The following MYO9B variants were observed in gnomAD, a reference collection of about 807,000 sequenced individuals.
The protein encoded by MYO9B is myosin IXB.
Under a neutral mutation model 229.5 loss-of-function variants are expected in MYO9B, and 71 were observed. The observed-to-expected ratio is 0.31, with a 90% CI of 0.26 to 0.38. The LOEUF (loss-of-function observed/expected upper bound fraction) is 0.38. MYO9B is among the 10% of genes least tolerant of loss of function. The pLI is 1.00. For synonymous variants in MYO9B, 1,185 were observed against 1,235.8 expected (o/e 0.96, Z 0.86); for missense variants, 2,255 against 2,920.5 (o/e 0.77, Z 5.25).
At chr19:17,079,202 G>A (rs1330885190) in intron 1 of MYO9B, among the ~76,000 whole-genome samples, 1 of 152,166 alleles carries the variant, frequency 6.6e-6, no homozygotes, top group African/African-American at 2.4e-5. Flanking sequence ...TCATTGCCTT[G>A]GTGGGTCCTT....
chr19:17,172,499 C>T lies in MYO9B; in HGVS notation c.1935+22C>T. 2 of 1,611,366 alleles carry T rather than the reference C, an allele frequency of 1.2e-6. No individual in the cohort carries two copies. The highest frequency in any genetic ancestry group is 1.7e-6 in the Non-Finnish European group (2 of 1,178,850). ...CAAGGTAGGTGTCTGCCCATCACCA[C>T]TGGTGGAAGCCTGAGGGAAGCCACA... On this transcript the variant is annotated intron_variant, in intron 12 of 39. Coordinates refer to ENST00000682292, the MANE Select transcript of MYO9B (RefSeq NM_004145.4). This position sits in a 1 kb window ranked among gnomAD's most constrained non-coding sequence, Gnocchi z 8.2.
At chr19:17,171,609 C>G (rs1015291004) in intron 11 of MYO9B, among the ~76,000 whole-genome samples, 2 of 152,100 alleles carry the variant, frequency 1.3e-5, no homozygotes, top group Non-Finnish European at 1.5e-5. Context: ...CATGTGGGGT[C>G]GAAGAGAGTG....
rs557299101 is a variant in MYO9B, at chr19:17,117,033, G to A, written c.840+14476G>A. ...GGTATATTTTAAGCACCATAAAAAGGTCTCCTTGGAATTTGGAGAAAGTTG... is the reference window on the plus strand; with the variant it reads ...GGTATATTTTAAGCACCATAAAAAGATCTCCTTGGAATTTGGAGAAAGTTG... On this transcript the variant is annotated intron_variant, in intron 2 of 39. Coordinates refer to ENST00000682292, the MANE Select transcript of MYO9B (RefSeq NM_004145.4). Among the ~76,000 whole-genome samples the A allele has an allele frequency of 2.3e-4, 35 of 152,296 alleles. No homozygotes were observed. In the Middle Eastern group the frequency reaches 0.017, roughly 74 times the overall value.
chr19:17,173,327 C>T (rs1362396413), intron 13 of MYO9B, among the ~76,000 whole-genome samples: 4 of 128,956 alleles, frequency 3.1e-5, no homozygotes, highest in Non-Finnish European at 6.3e-5. Context: ...GACAGGGTCT[C>T]TCTCTCTCTC....
chr19:17,162,598 A>T, intron 9 of MYO9B, 132 bp downstream of exon 9: 1 of 785,566 alleles, frequency 1.3e-6, no homozygotes, highest in African/African-American at 1.7e-5. Context: ...CCCCACAAGG[A>T]CAGGCCCAGG....
At chr19:17,104,558 A>G (rs1451854384) in intron 2 of MYO9B, among the ~76,000 whole-genome samples, 1 of 152,012 alleles carries the variant, frequency 6.6e-6, no homozygotes. Flanking sequence ...AGGGGTCTGC[A>G]CCTCTGGGTG....
In MYO9B at chr19:17,193,150, C is replaced by A; in HGVS notation, c.3128+88C>A. ...TTGCTGCCCGTGATATACCATCTGG[C>A]CTGTGGCACTAAGGGGATGTCATTC... On this transcript the variant is annotated intron_variant, in intron 21 of 39. Coordinates refer to ENST00000682292, the MANE Select transcript of MYO9B (RefSeq NM_004145.4). The surrounding 1 kb of genome is among the most constrained non-coding windows in gnomAD (Gnocchi z 4.3). 1.5e-6 allele frequency: 2 copies of A among 1,332,812 alleles called. No individual in the cohort carries two copies. Among genetic ancestry groups the A allele is most frequent in the Non-Finnish European group, 2.0e-6 (2 of 1,015,320 alleles). 82.6% of individuals were successfully genotyped at this position (1,332,812 alleles called of 1,614,324 possible). A position where few individuals can be genotyped will look rare whatever the true frequency, so the allele number is the denominator to read the frequency against.
chr19:17,196,756 T>A (rs895395739), intron 22 of MYO9B, among the ~76,000 whole-genome samples: 2 of 149,548 alleles, frequency 1.3e-5, no homozygotes, highest in Admixed American at 6.7e-5. Flanking sequence ...GGAAGGAAGA[T>A]AGGTAGGTAG....
chr19:17,119,064 A>ATTCCTC (rs2057935937), intron 2 of MYO9B, among the ~76,000 whole-genome samples: 2 of 152,102 alleles, frequency 1.3e-5, no homozygotes, highest in Non-Finnish European at 2.9e-5. Context: ...AGGAAGCAAG[A>ATTCCTC]TGTGGGGGTT....
In MYO9B at chr19:17,172,682, T is replaced by C. The variant is rs56397652; in HGVS notation, c.1936-77T>C. On this transcript the variant is annotated intron_variant, in intron 12 of 39. Coordinates refer to ENST00000682292, the MANE Select transcript of MYO9B (RefSeq NM_004145.4). This position sits in a 1 kb window ranked among gnomAD's most constrained non-coding sequence, Gnocchi z 8.2. ...GCCCCACCCCACCGTCAGCCCTTCC[T>C]GCGCCAGCCCGGGGTCTTTGGTAGG... 123,443 of 1,558,394 alleles carry C rather than the reference T, an allele frequency of 0.079. 5,546 individuals carry two copies. Among genetic ancestry groups the C allele is most frequent in the Non-Finnish European group, 0.091 (103,076 of 1,133,574 alleles).
At chr19:17,183,262 G>A (rs1020112554) in intron 15 of MYO9B, among the ~76,000 whole-genome samples, 4 of 152,158 alleles carry the variant, frequency 2.6e-5, no homozygotes, top group Non-Finnish European at 5.9e-5. Context: ...GATCCTGAAA[G>A]GAGCTCCCAC....
chr19:17,085,156 G>A (rs143400774), intron 1 of MYO9B, among the ~76,000 whole-genome samples: 34 of 152,224 alleles, frequency 2.2e-4, no homozygotes, highest in East Asian at 1.9e-3. Flanking sequence ...CTGTTTCACC[G>A]AAGACACTGG....
At chr19:17,178,917 G>T (rs2072821682) in intron 14 of MYO9B, among the ~76,000 whole-genome samples, 1 of 151,462 alleles carries the variant, frequency 6.6e-6, no homozygotes, top group Non-Finnish European at 1.5e-5. Flanking sequence ...TGTAATCCTA[G>T]CTACTGGGGA....
At chr19:17,093,805 A>C (rs2057662360) in intron 1 of MYO9B, among the ~76,000 whole-genome samples, 1 of 151,666 alleles carries the variant, frequency 6.6e-6, no homozygotes, top group Admixed American at 6.6e-5. Context: ...TAGTCCTGCC[A>C]CCTCAGCCTC....
chr19:17,112,731 C>G (rs1452559838), intron 2 of MYO9B, among the ~76,000 whole-genome samples: 2 of 152,210 alleles, frequency 1.3e-5, no homozygotes, highest in South Asian at 4.1e-4. Flanking sequence ...CAAAGAATCC[C>G]GCAGCCCCAG....
chr19:17,129,516 G>A (rs1228356693), intron 2 of MYO9B, among the ~76,000 whole-genome samples: 1 of 152,224 alleles, frequency 6.6e-6, no homozygotes, highest in Non-Finnish European at 1.5e-5. Context: ...CTGAGCTGTG[G>A]CTAAACGTAA....
At chr19:17,194,470 G>T in intron 21 of MYO9B, 86 bp from the exon 22 acceptor site, 1 of 1,474,238 alleles carries the variant, frequency 6.8e-7, no homozygotes, top group Non-Finnish European at 9.2e-7. Context: ...TCTGCAGCCC[G>T]CAGGCTGGGG....
At chr19:17,146,878 G>T (rs1599368761) in intron 3 of MYO9B, among the ~76,000 whole-genome samples, 1 of 152,190 alleles carries the variant, frequency 6.6e-6, no homozygotes, top group East Asian at 1.9e-4. Flanking sequence ...GATTTGTAAA[G>T]GTCCCAGGAT....
chr19:17,191,384 C>T (rs2072983742), intron 20 of MYO9B, among the ~76,000 whole-genome samples, 165 bp downstream of exon 20: 1 of 152,280 alleles, frequency 6.6e-6, no homozygotes, highest in South Asian at 2.1e-4. Flanking sequence ...GGATAGGGGC[C>T]GCCCTGGCTG....
Sources: gnomAD v4.1 joint callset for allele counts (sites outside exome capture counted in the v4.1 genomes callset) on GRCh38, gnomAD v4.1.1 for gene constraint, Gnocchi (gnomAD v3.1) non-coding constraint, MANE v1.5 for transcripts, NCBI Gene and HGNC (gene_info 2026-07-23, HGNC 2026-07-21) for gene names.